The following TNS3 variants were observed in gnomAD, a reference collection of about 807,000 sequenced individuals.
TNS3 encodes the protein tensin-3.
In TNS3, 45 loss-of-function variants were observed where a neutral mutation model predicts 140.9. The observed-to-expected ratio is 0.32, with a 90% confidence interval of 0.25 to 0.41. The LOEUF is 0.41. Among genes scored for constraint, TNS3 ranks in the 10% least tolerant of loss-of-function variants. The pLI is 1.00. For synonymous variants in TNS3, 815 were observed against 788.4 expected (o/e 1.03, Z -0.56); for missense variants, 1,716 against 1,906.7 (o/e 0.90, Z 1.86).
chr7:47,364,545 C>G (rs17151129), intron 17 of TNS3, among the ~76,000 whole-genome samples: 5,877 of 150,238 alleles, frequency 0.039, 216 homozygotes, highest in East Asian at 0.2. Context: ...GCCCAGTAAG[C>G]ATCTTTTAAT....
chr7:47,324,622 C>T (rs1787928005), intron 20 of TNS3, among the ~76,000 whole-genome samples: 1 of 152,072 alleles, frequency 6.6e-6, no homozygotes, highest in Non-Finnish European at 1.5e-5. Context: ...TGTGGTGGTG[C>T]ACATCTGTAG....
chr7:47,481,791 T>C (rs974528402), intron 3 of TNS3: 12 of 780,404 alleles, frequency 1.5e-5, no homozygotes, highest in Non-Finnish European at 1.9e-5. Flanking sequence ...GAGAGGCAGT[T>C]AGTAACAGGC....
At chr7:47,310,994 A>G (rs1053772114) in intron 20 of TNS3, among the ~76,000 whole-genome samples, 10 of 144,916 alleles carry the variant, frequency 6.9e-5, no homozygotes, top group Non-Finnish European at 1.4e-4. Context: ...GTTGGTTCCA[A>G]GTCTTTGCTG....
At chr7:47,532,495 A>C (rs1799445804) in intron 1 of TNS3, among the ~76,000 whole-genome samples, 3 of 147,146 alleles carry the variant, frequency 2.0e-5, no homozygotes, top group African/African-American at 7.3e-5. Flanking sequence ...AGACCTGCAG[A>C]GATGTTGGGA....
At chr7:47,340,470 T>C (rs1313961758) in intron 20 of TNS3, among the ~76,000 whole-genome samples, 8 of 152,092 alleles carry the variant, frequency 5.3e-5, no homozygotes, top group Non-Finnish European at 1.0e-4. Context: ...GCTAGCGTAC[T>C]GAAATAGAAC....
chr7:47,463,201 T>C (rs141999929), intron 4 of TNS3, among the ~76,000 whole-genome samples: 317 of 152,210 alleles, frequency 2.1e-3, no homozygotes, highest in African/African-American at 6.7e-3. Flanking sequence ...TCTCAGCACT[T>C]TGAGAGGCCT....
At chr7:47,308,766 C>T (rs1401800713) in intron 20 of TNS3, among the ~76,000 whole-genome samples, 3 of 152,178 alleles carry the variant, frequency 2.0e-5, no homozygotes, top group African/African-American at 7.2e-5. Context: ...ATACTTTCCT[C>T]TCTTGCTCAT....
chr7:47,388,850 G>C (rs1025030286), intron 16 of TNS3, among the ~76,000 whole-genome samples: 1 of 151,622 alleles, frequency 6.6e-6, no homozygotes, highest in Non-Finnish European at 1.5e-5. Context: ...CTGGGTCTCA[G>C]AGCGAGATTT....
intron 16 of TNS3, among the ~76,000 whole-genome samples, chr7:47,380,351 C>T (rs1791678004): frequency 6.6e-6 from 1 of 152,226 alleles, no homozygotes; most frequent in Non-Finnish European, 1.5e-5. Flanking sequence ...GGGGCCCAAG[C>T]CCAGAGGAAA....
At chr7:47,422,126 G>A (rs1351503754) in intron 10 of TNS3, among the ~76,000 whole-genome samples, 1 of 152,144 alleles carries the variant, frequency 6.6e-6, no homozygotes, top group Non-Finnish European at 1.5e-5. Context: ...TTACCATTTG[G>A]TGAGCATCTT....
chr7:47,305,515 C>T (rs1786698137), intron 20 of TNS3, among the ~76,000 whole-genome samples: 1 of 152,260 alleles, frequency 6.6e-6, no homozygotes, highest in African/African-American at 2.4e-5. Flanking sequence ...CCTTTGGTCC[C>T]TACCCTCCCC....
At chr7:47,578,999 G>A (rs773150904) in intron 1 of TNS3, among the ~76,000 whole-genome samples, 14 of 152,206 alleles carry the variant, frequency 9.2e-5, no homozygotes, top group Middle Eastern at 3.4e-3. Flanking sequence ...GCGTGGAAAC[G>A]ACACAACTGT....
rs567319527 is a variant in TNS3 at position 47,580,198 on chromosome 7, G to A, written c.-265+1853C>T. Among the ~76,000 whole-genome samples, 5 of 152,182 alleles carry A rather than the reference G, an allele frequency of 3.3e-5. No homozygotes were observed. In the South Asian group the frequency reaches 1.0e-3, roughly 32 times the overall value. ...ACGCGCAGCAGCAGCCAGGAACAGGGGTCTGGGACCCTAGAGTCCTGTCCC... is the reference window on the plus strand; with the variant it reads ...ACGCGCAGCAGCAGCCAGGAACAGGAGTCTGGGACCCTAGAGTCCTGTCCC... On this transcript the variant is annotated intron_variant, in intron 1 of 30. Coordinates refer to ENST00000311160, the MANE Select transcript of TNS3 (RefSeq NM_022748.12).
chr7:47,577,835 G>A (rs1800710030), intron 1 of TNS3, among the ~76,000 whole-genome samples: 3 of 152,168 alleles, frequency 2.0e-5, no homozygotes, highest in Non-Finnish European at 2.9e-5. Context: ...CAGCGCTGGG[G>A]TGGAGACAGG....
rs1415155185 is a variant in TNS3 at position 47,560,512 on chromosome 7, CT to C, written c.-265+21538del. Among the ~76,000 whole-genome samples the C allele has an allele frequency of 3.9e-5, 6 of 152,186 alleles. No individual in the cohort carries two copies. In the East Asian group the frequency reaches 1.2e-3, roughly 29 times the overall value. On this transcript the variant is annotated intron_variant, in intron 1 of 30. Coordinates refer to ENST00000311160, the MANE Select transcript of TNS3 (RefSeq NM_022748.12). Reference sequence around the variant, plus strand: ...AATCTGCCCAACCAAAGCCCTAAACCTAACTTCTCACCCGGTGGCATTCTCC... The same window carrying C: ...AATCTGCCCAACCAAAGCCCTAAACCAACTTCTCACCCGGTGGCATTCTCC...
chr7:47,326,840 G>C (rs937209395), intron 20 of TNS3, among the ~76,000 whole-genome samples: 2 of 152,176 alleles, frequency 1.3e-5, no homozygotes, highest in African/African-American at 4.8e-5. Flanking sequence ...ATCCTGGAAG[G>C]GATACTGGGC....
chr7:47,435,195 T>C (rs1795117653), intron 8 of TNS3, 87 bp downstream of exon 8: 11 of 1,558,086 alleles, frequency 7.1e-6, no homozygotes, highest in Non-Finnish European at 8.7e-6. Context: ...AAAGCGGAAA[T>C]GTGCTCAGAT....
chr7:47,357,653 G>T (rs1354463609), intron 17 of TNS3, among the ~76,000 whole-genome samples: 1 of 152,158 alleles, frequency 6.6e-6, no homozygotes, highest in East Asian at 1.9e-4. Context: ...ACCCAGGGAA[G>T]AGCCTTCCCC....
At chr7:47,289,606 TAAAC>T (rs1164546248) in intron 27 of TNS3, among the ~76,000 whole-genome samples, 2 of 152,168 alleles carry the variant, frequency 1.3e-5, no homozygotes, top group Non-Finnish European at 2.9e-5. Flanking sequence ...AGACCAGCAA[TAAAC>T]AAGTAAAATT....
Sources: gnomAD v4.1 joint callset for allele counts (sites outside exome capture counted in the v4.1 genomes callset) on GRCh38, gnomAD v4.1.1 for gene constraint, MANE v1.5 for transcripts, NCBI Gene and HGNC (gene_info 2026-07-23, HGNC 2026-07-21) for gene names.